The following RGS6 variants were observed in gnomAD, a reference collection of about 807,000 sequenced individuals.
RGS6 encodes the protein regulator of G-protein signaling 6.
Under a neutral mutation model 78.5 loss-of-function variants are expected in RGS6, and 30 were observed. That is an observed-to-expected ratio of 0.38 (90% confidence interval 0.29 to 0.52). The LOEUF is 0.52. Among genes scored for constraint, RGS6 ranks in the 20% least tolerant of loss-of-function variants. The pLI is 0.85. For synonymous variants in RGS6, 206 were observed against 206.0 expected (o/e 1.00, Z 0.00); for missense variants, 495 against 609.7 (o/e 0.81, Z 1.98).
rs140657641 is a variant in RGS6, at chr14:72,458,293, C to T, written c.258C>T (p.Ser86=). ...CAGTTGAAGCAATACACTTGGGGAG[C>T]CTTATCGCTGCCCAGGGCTACATCT... ...EDPVEAIHLG[S]LIAAQGYIFP... is the part of the protein sequence containing the mutation. Residue 86 remains serine, a synonymous_variant, in exon 5 of 18, where the codon AGC becomes AGT. Coordinates refer to ENST00000553525, the MANE Select transcript of RGS6 (RefSeq NM_001204424.2). The T allele has an allele frequency of 1.2e-6, 2 of 1,613,858 alleles. No homozygotes were observed. The highest frequency in any genetic ancestry group is 8.5e-7 in the Non-Finnish European group (1 of 1,179,744).
At chr14:72,036,228 T>TATTATG (rs1567067262) in intron 2 of RGS6, among the ~76,000 whole-genome samples, 1 of 150,896 alleles carries the variant, frequency 6.6e-6, no homozygotes, top group African/African-American at 2.4e-5. Context: ...TTATTATTAT[T>TATTATG]ATGGCTGAGC....
At chr14:72,483,949 C>A (rs2153379684) in intron 12 of RGS6, among the ~76,000 whole-genome samples, 1 of 150,298 alleles carries the variant, frequency 6.7e-6, no homozygotes, top group Admixed American at 6.7e-5. Context: ...ATTTTCCCTA[C>A]TTCCCACCTT....
intron 17 of RGS6, chr14:72,550,458 A>C: frequency 1.3e-6 from 2 of 1,535,570 alleles, no homozygotes; most frequent in South Asian, 1.2e-5. Flanking sequence ...CTAACAGGAA[A>C]AGACAGACTG....
chr14:72,567,156 G>T (rs575144322), downstream of RGS6, among the ~76,000 whole-genome samples: 2 of 152,324 alleles, frequency 1.3e-5, no homozygotes, highest in South Asian at 2.1e-4. Context: ...AGGTAGAAAT[G>T]ATTTCAGAGG....
At chr14:72,098,594 A>C (rs2095460728) in intron 2 of RGS6, among the ~76,000 whole-genome samples, 1 of 152,238 alleles carries the variant, frequency 6.6e-6, no homozygotes. Flanking sequence ...TTTTGGAGAT[A>C]ATTGAAAGAG....
chr14:72,514,738 C>A (rs1464353876), intron 14 of RGS6, among the ~76,000 whole-genome samples: 1 of 152,212 alleles, frequency 6.6e-6, no homozygotes, highest in Admixed American at 6.5e-5. Flanking sequence ...GGCCCTTCTG[C>A]TGCAAGCCAT....
chr14:72,619,824 GTAC>G, the RGS6 span: 4 of 1,331,136 alleles, frequency 3.0e-6, no homozygotes, highest in African/African-American at 5.8e-5. Flanking sequence ...CATAAGGCCT[GTAC>G]CATAGTGAGA....
intron 2 of RGS6, among the ~76,000 whole-genome samples, chr14:72,260,562 T>C (rs923555166): frequency 1.3e-5 from 2 of 152,102 alleles, no homozygotes; most frequent in African/African-American, 4.8e-5. Flanking sequence ...TAAAGAGTAT[T>C]GGGGAATTTT....
chr14:71,905,499 C>CT, the RGS6 span, among the ~76,000 whole-genome samples: 85 of 151,244 alleles, frequency 5.6e-4, no homozygotes, highest in Non-Finnish European at 7.8e-4. Context: ...TTTCTTTTCT[C>CT]TTTTTTTTTG....
At chr14:72,483,930 T>C (rs1048389881) in intron 12 of RGS6, among the ~76,000 whole-genome samples, 52 of 152,006 alleles carry the variant, frequency 3.4e-4, no homozygotes, top group African/African-American at 1.2e-3. Context: ...TAAGGAGTTC[T>C]CTTTTTATAT....
intron 2 of RGS6, among the ~76,000 whole-genome samples, chr14:72,191,690 A>G (rs990306871): frequency 1.3e-5 from 2 of 152,226 alleles, no homozygotes; most frequent in African/African-American, 4.8e-5. Flanking sequence ...GTTGCCTCCC[A>G]CAGCACATGG....
At chr14:71,990,599 T>G (rs1179914345) in intron 2 of RGS6, 1 of 456,086 alleles carries the variant, frequency 2.2e-6, no homozygotes, top group Non-Finnish European at 4.4e-6. Flanking sequence ...GTCTTGGTTT[T>G]ACCCCAATCT....
At chr14:72,126,952 G>C (rs2096209558) in intron 2 of RGS6, among the ~76,000 whole-genome samples, 1 of 152,166 alleles carries the variant, frequency 6.6e-6, no homozygotes, top group South Asian at 2.1e-4. Flanking sequence ...CTGATCCCAT[G>C]GTGGGGAACT....
chr14:72,471,248 T>G (rs2096070599), intron 8 of RGS6, among the ~76,000 whole-genome samples: 1 of 152,190 alleles, frequency 6.6e-6, no homozygotes. Flanking sequence ...TAGTGGACAT[T>G]TCTTCCTCTC....
intron 2 of RGS6, among the ~76,000 whole-genome samples, chr14:72,294,548 A>C (rs1028421781): frequency 2.0e-5 from 3 of 152,214 alleles, no homozygotes; most frequent in African/African-American, 7.2e-5. Flanking sequence ...AATGCTGGGT[A>C]ATTTATAAAG....
At chr14:72,142,010 T>C (rs1258202330) in intron 2 of RGS6, among the ~76,000 whole-genome samples, 1 of 152,156 alleles carries the variant, frequency 6.6e-6, no homozygotes, top group Non-Finnish European at 1.5e-5. Flanking sequence ...CTCTTGAGGC[T>C]TACTGTTTAC....
chr14:72,006,146 C>G (rs915324493), intron 2 of RGS6, among the ~76,000 whole-genome samples: 1 of 152,140 alleles, frequency 6.6e-6, no homozygotes, highest in Admixed American at 6.5e-5. Context: ...CTCATCTATC[C>G]TTTAGGTCCT....
At chr14:72,534,673 T>C (rs1312035086) in intron 15 of RGS6, among the ~76,000 whole-genome samples, 1 of 152,156 alleles carries the variant, frequency 6.6e-6, no homozygotes, top group African/African-American at 2.4e-5. Flanking sequence ...GGGTAAGGAG[T>C]GAGTCTTGGT....
rs182852414 is a variant in RGS6, at chr14:71,983,648, C to T, written c.84+18773C>T. Among the ~76,000 whole-genome samples, 20 of 152,308 alleles carry T rather than the reference C, an allele frequency of 1.3e-4. No homozygotes were observed. In the East Asian group the frequency reaches 3.9e-3, roughly 29 times the overall value. On this transcript the variant is annotated intron_variant, in intron 2 of 17. Coordinates refer to ENST00000553525, the MANE Select transcript of RGS6 (RefSeq NM_001204424.2). ...CCTGGTCTTCGCCTTTGTCCTACCT[C>T]ACCTTCCTCATGTGCCTACCTCTGT...
Sources: allele counts gnomAD v4.1 joint callset (sites outside exome capture counted in the v4.1 genomes callset), GRCh38; gene constraint gnomAD v4.1.1; transcripts MANE v1.5; gene names NCBI Gene and HGNC (gene_info 2026-07-23, HGNC 2026-07-21).